Variants in CSF2RB observed in about 807,000 individuals in gnomAD.
The protein encoded by CSF2RB is colony stimulating factor 2 receptor subunit beta.
Under a neutral mutation model 67.2 loss-of-function variants are expected in CSF2RB, and 22 were observed. The observed-to-expected ratio is 0.33, with a 90% CI of 0.23 to 0.47. The LOEUF (loss-of-function observed/expected upper bound fraction) is 0.47, where lower values mean the gene tolerates loss of function less well. Among genes scored for constraint, CSF2RB ranks in the 20% least tolerant of loss-of-function variants. CSF2RB has a pLI of 1.00. For synonymous variants in CSF2RB, 507 were observed against 482.9 expected, an observed-to-expected ratio of 1.05 and a Z score of -0.65; for missense variants, 1,113 against 1,174.5, an observed-to-expected ratio of 0.95 and a Z score of 0.76.
intron 10 of CSF2RB, 76 bp downstream of exon 10, chr22:36,934,070 C>A: frequency 6.4e-7 from 1 of 1,570,436 alleles, no homozygotes; most frequent in Non-Finnish European, 8.6e-7. Flanking sequence ...ATCCCCAATG[C>A]AGCAGCCGTA....
chr22:36,916,879 GT>G (rs1176076388), intron 1 of CSF2RB, among the ~76,000 whole-genome samples: 2 of 152,070 alleles, frequency 1.3e-5, no homozygotes, highest in African/African-American at 2.4e-5. Context: ...ATAAAAATCA[GT>G]TTGCCAAGCC....
At position 36,929,548 on chromosome 22, in the gene CSF2RB, G is replaced by A; in HGVS notation, c.538G>A (p.Asp180Asn). ...EFEVVYKRLQDSWEDAAILLS... is the reference protein window; with the variant it reads ...EFEVVYKRLQNSWEDAAILLS... ...TGAGGTGGTCTACAAGCGGCTTCAG[G>A]ACTCTTGGGAGGTAGGAACCACGGC... Residue 180 changes from aspartate (D) to asparagine (N), a missense_variant, in exon 5 of 14, where the codon GAC becomes AAC. Asp to Asn is a conservative substitution (Grantham distance 23, BLOSUM62 1). Around this residue, in one of 2 missense-constraint regions of CSF2RB, gnomAD observed 559 missense variants for 656.5 expected, o/e 0.85. Coordinates refer to ENST00000403662, the MANE Select transcript of CSF2RB (RefSeq NM_000395.3). 1 of 1,614,170 alleles carries A rather than the reference G, an allele frequency of 6.2e-7. No homozygotes were observed. The highest frequency in any genetic ancestry group is 8.5e-7 in the Non-Finnish European group (1 of 1,180,020).
Position 36,929,412 on chromosome 22 carries a change from T to C in CSF2RB, c.402T>C (p.Pro134=). 6.2e-7 allele frequency: 1 copy of C among 1,614,198 alleles called. No homozygotes were observed. The highest frequency in any genetic ancestry group is 8.5e-7 in the Non-Finnish European group (1 of 1,180,020). The part of the protein sequence containing the change: ...TVTLTQHVQP[P]EPRDLQISTD... ...CTTCCTCCCCTCCAGTCCAGCCTCC[T>C]GAGCCCAGGGACCTGCAGATCAGCA... Residue 134 remains proline, a synonymous_variant, in exon 5 of 14, where the codon CCT becomes CCC. Coordinates refer to ENST00000403662, the MANE Select transcript of CSF2RB (RefSeq NM_000395.3).
intron 3 of CSF2RB, among the ~76,000 whole-genome samples, chr22:36,924,094 C>T (rs1940949327): frequency 1.3e-5 from 2 of 152,016 alleles, no homozygotes; most frequent in African/African-American, 2.4e-5. Flanking sequence ...CGTTGGGGGG[C>T]GGGGCCGGCT....
At chr22:36,919,252 C>G (rs1288003352) in intron 1 of CSF2RB, among the ~76,000 whole-genome samples, 1 of 152,198 alleles carries the variant, frequency 6.6e-6, no homozygotes, top group African/African-American at 2.4e-5. Context: ...CTCTCCACCC[C>G]CTGCTTCTGA....
At chr22:36,933,500 C>T (rs995749205) in intron 9 of CSF2RB, among the ~76,000 whole-genome samples, 1 of 152,164 alleles carries the variant, frequency 6.6e-6, no homozygotes, top group Non-Finnish European at 1.5e-5. Context: ...GCACTGCGTT[C>T]CTAAAAAGGC....
At chr22:36,918,620 G>C (rs541855967) in intron 1 of CSF2RB, among the ~76,000 whole-genome samples, 2 of 152,214 alleles carry the variant, frequency 1.3e-5, no homozygotes, top group Non-Finnish European at 2.9e-5. Context: ...TTAAAAAGGA[G>C]TCTTGTTCTT....
In CSF2RB at chr22:36,936,671, C is replaced by A. The variant is rs1213446566; in HGVS notation, c.1568+19C>A. ...TGGAGGGGTGAGTGGGCTCGTGGAT[C>A]ACTCCTGACCTTTGGGGTTCATACG... On this transcript the variant is annotated intron_variant, in intron 13 of 13. Transcript: ENST00000403662. 5.0e-6 allele frequency: 8 copies of A among 1,597,868 alleles called. No homozygotes were observed. Among genetic ancestry groups the A allele is most frequent in the South Asian group, 4.4e-5 (4 of 90,758 alleles).
intron 3 of CSF2RB, among the ~76,000 whole-genome samples, chr22:36,925,108 T>A (rs1303512621): frequency 6.6e-6 from 1 of 152,204 alleles, no homozygotes; most frequent in Non-Finnish European, 1.5e-5. Context: ...GTCTTCCCCA[T>A]CTCCCTTTCT....
At chr22:36,930,288 C>T in intron 6 of CSF2RB, 87 bp from the exon 7 acceptor site, 1 of 1,590,344 alleles carries the variant, frequency 6.3e-7, no homozygotes, top group South Asian at 1.1e-5. Flanking sequence ...CTCATGACCT[C>T]TGTGTGATGA....
At chr22:36,935,514 C>T (rs888050059) in intron 11 of CSF2RB, 73 bp downstream of exon 11, 27 of 1,604,744 alleles carry the variant, frequency 1.7e-5, no homozygotes, top group African/African-American at 1.6e-4. Context: ...ACCCAGCTCC[C>T]TCCAGGCCCT....
At chr22:36,925,051 G>A (rs998605468) in intron 3 of CSF2RB, among the ~76,000 whole-genome samples, 7 of 152,166 alleles carry the variant, frequency 4.6e-5, no homozygotes, top group Non-Finnish European at 1.0e-4. Flanking sequence ...GACTCCAAAC[G>A]TCCTCAACCA....
chr22:36,917,571 CT>C (rs1940749857), intron 1 of CSF2RB, among the ~76,000 whole-genome samples: 1 of 152,194 alleles, frequency 6.6e-6, no homozygotes, highest in African/African-American at 2.4e-5. Context: ...CCCATGCTTA[CT>C]CTTCATTCTT....
rs1241362545 is a variant in CSF2RB, at chr22:36,933,824, A to G, written c.1153-8A>G. On this transcript the variant is annotated splice_polypyrimidine_tract_variant and splice_region_variant and intron_variant, in intron 9 of 13. Coordinates refer to ENST00000403662, the MANE Select transcript of CSF2RB (RefSeq NM_000395.3). The stretch of plus-strand genomic sequence containing the variant: ...GGGCCAGGCCTCACCCTCAGTGCCA[A>G]CCCACAGGACAGCAAGACCGAGACC... 1.2e-6 allele frequency: 2 copies of G among 1,604,588 alleles called. No individual in the cohort carries two copies. The highest frequency in any genetic ancestry group is 2.7e-5 in the African/African-American group (2 of 74,766).
intron 8 of CSF2RB, among the ~76,000 whole-genome samples, chr22:36,932,291 T>C (rs1569136858): frequency 6.6e-6 from 1 of 151,976 alleles, no homozygotes; most frequent in Non-Finnish European, 1.5e-5. Context: ...AAAAATTAGC[T>C]GGGCTTGGTG....
rs1447081956 is a variant in CSF2RB, at chr22:36,929,818, C to T, written c.718+11C>T. 5.0e-6 allele frequency: 8 copies of T among 1,612,850 alleles called. No homozygotes were observed. The highest frequency in any genetic ancestry group is 6.8e-6 in the Non-Finnish European group (8 of 1,179,584). On this transcript the variant is annotated intron_variant, in intron 6 of 13. Coordinates refer to ENST00000403662, the MANE Select transcript of CSF2RB (RefSeq NM_000395.3). Reference sequence around the variant, plus strand: ...GGGACTCCCAGCCAGGTAATGTTGCCAGAGCCCAGGAAATGCCCCGTGGTG... The same window carrying T: ...GGGACTCCCAGCCAGGTAATGTTGCTAGAGCCCAGGAAATGCCCCGTGGTG...
chr22:36,922,350 G>T lies in CSF2RB; in HGVS notation c.76+67G>T, dbSNP rs367571519. On this transcript the variant is annotated intron_variant, in intron 2 of 13. Coordinates refer to ENST00000403662, the MANE Select transcript of CSF2RB (RefSeq NM_000395.3). ...CACTGCTGCACCCTGGGGGAGGGCCGCAGCGTATCCTCAGGATCCTGCCCG... is the reference window on the plus strand; with the variant it reads ...CACTGCTGCACCCTGGGGGAGGGCCTCAGCGTATCCTCAGGATCCTGCCCG... 606 of 1,438,196 alleles carry T rather than the reference G, an allele frequency of 4.2e-4. 8 individuals carry two copies. The East Asian group carries it at 0.013, about 32-fold the overall frequency. 89.1% of individuals were successfully genotyped at this position (1,438,196 alleles called of 1,614,324 possible). A position where few individuals can be genotyped will look rare whatever the true frequency, so the allele number is the denominator to read the frequency against.
chr22:36,919,250 C>T (rs1940794286), intron 1 of CSF2RB, among the ~76,000 whole-genome samples: 1 of 152,162 alleles, frequency 6.6e-6, no homozygotes, highest in Non-Finnish European at 1.5e-5. Context: ...TTCTCTCCAC[C>T]CCCTGCTTCT....
At chr22:36,928,640 C>A (rs1053894867) in intron 4 of CSF2RB, among the ~76,000 whole-genome samples, 4 of 152,182 alleles carry the variant, frequency 2.6e-5, no homozygotes, top group African/African-American at 4.8e-5. Context: ...CCAGAGTTCC[C>A]AGGAGATAGA....
Sources: gnomAD v4.1 joint callset for allele counts (sites outside exome capture counted in the v4.1 genomes callset) on GRCh38, gnomAD v4.1.1 for gene constraint, gnomAD v4.1.1 regional missense constraint, MANE v1.5 for transcripts, NCBI Gene and HGNC (gene_info 2026-07-23, HGNC 2026-07-21) for gene names.